The following USP13 variants were observed in gnomAD, a reference collection of about 807,000 sequenced individuals.
The protein encoded by USP13 is ubiquitin specific peptidase 13, also known as ubiquitin carboxyl-terminal hydrolase 13.
Under a neutral mutation model 107.8 loss-of-function variants are expected in USP13, and 68 were observed. The observed-to-expected ratio is 0.63, with a 90% confidence interval of 0.52 to 0.77. The LOEUF is 0.77. USP13 is among the 30% of genes least tolerant of loss of function. USP13 has a pLI of 0.00. For synonymous variants in USP13, 377 were observed against 389.5 expected, an observed-to-expected ratio of 0.97 and a Z score of 0.38; for missense variants, 945 against 1,093.3, an observed-to-expected ratio of 0.86 and a Z score of 1.91.
rs1053568468 is a variant in USP13, at chr3:179,653,184, G to A, written c.-42G>A. 6.3e-4 allele frequency: 767 copies of A among 1,212,228 alleles called. No individual in the cohort carries two copies. The highest frequency in any genetic ancestry group is 7.4e-4 in the Non-Finnish European group (720 of 970,768). The allele number at this position is 1,212,228 out of a possible 1,614,324, so 75.1% of individuals were successfully genotyped here. A position where few individuals can be genotyped will look rare whatever the true frequency, so the allele number is the denominator to read the frequency against. On this transcript the variant is annotated 5_prime_UTR_variant, in exon 1 of 21. Transcript: ENST00000263966. This position sits in a 1 kb window ranked among gnomAD's most constrained non-coding sequence, Gnocchi z 4.0. ...CCGCCGCCGGCAGACCCCGCGCTCCGGCTCCGGCTCGGCTCGCTCGGCTCC... is the reference window on the plus strand; with the variant it reads ...CCGCCGCCGGCAGACCCCGCGCTCCAGCTCCGGCTCGGCTCGCTCGGCTCC...
intron 13 of USP13, among the ~76,000 whole-genome samples, chr3:179,749,901 C>G (rs888774289): frequency 6.6e-6 from 1 of 152,146 alleles, no homozygotes; most frequent in Non-Finnish European, 1.5e-5. Context: ...GTTGATTTCA[C>G]TGTTATGTAT....
intron 19 of USP13, among the ~76,000 whole-genome samples, chr3:179,768,056 A>G (rs892069692): frequency 3.9e-5 from 6 of 152,234 alleles, no homozygotes; most frequent in African/African-American, 1.4e-4. Context: ...CTTGCCTAAA[A>G]TATTTAAAGC....
chr3:179,683,885 A>G (rs1023837884), intron 2 of USP13, among the ~76,000 whole-genome samples: 2 of 152,170 alleles, frequency 1.3e-5, no homozygotes, highest in African/African-American at 4.8e-5. Flanking sequence ...CTATTTTTTC[A>G]TATTGATAAC....
At chr3:179,710,008 G>A (rs1045578723) in intron 6 of USP13, among the ~76,000 whole-genome samples, 4 of 152,018 alleles carry the variant, frequency 2.6e-5, no homozygotes, top group African/African-American at 9.7e-5. Flanking sequence ...ACATAACTGA[G>A]GACTGGCAGT....
chr3:179,690,115 C>A, intron 2 of USP13, 126 bp from the exon 3 acceptor site: 1 of 843,424 alleles, frequency 1.2e-6, no homozygotes. Flanking sequence ...CCTGGAATTG[C>A]TAATCTAGAT....
chr3:179,743,160 C>A (rs1714260460), intron 12 of USP13, among the ~76,000 whole-genome samples: 2 of 152,054 alleles, frequency 1.3e-5, no homozygotes, highest in African/African-American at 4.8e-5. Context: ...GGAACAGAAA[C>A]CAAACACCGC....
At chr3:179,732,823 C>G (rs750439533) in intron 10 of USP13, among the ~76,000 whole-genome samples, 2 of 152,214 alleles carry the variant, frequency 1.3e-5, no homozygotes, top group African/African-American at 2.4e-5. Context: ...GCCCTTGTCT[C>G]TCTTCCCCCA....
At chr3:179,760,282 G>GT (rs1363561918) in intron 16 of USP13, among the ~76,000 whole-genome samples, 7,367 of 123,452 alleles carry the variant, frequency 0.06, 426 homozygotes, top group Middle Eastern at 0.2. Context: ...GTCTCTTAAT[G>GT]TTTTTTTTTT....
chr3:179,704,971 G>T (rs1014126533), intron 4 of USP13, among the ~76,000 whole-genome samples: 1 of 152,114 alleles, frequency 6.6e-6, no homozygotes, highest in Non-Finnish European at 1.5e-5. Context: ...GATCACTCTG[G>T]CTGCTATGCA....
chr3:179,717,757 G>A (rs951031396), intron 6 of USP13, among the ~76,000 whole-genome samples: 8 of 152,022 alleles, frequency 5.3e-5, no homozygotes, highest in Non-Finnish European at 7.4e-5. Context: ...TTAGTTCAAA[G>A]GTTTTTGCTT....
Position 179,719,934 on chromosome 3 carries a change from C to T in USP13, c.806-6C>T, listed in dbSNP as rs371619677. 3.8e-5 allele frequency: 62 copies of T among 1,611,468 alleles called. No homozygotes were observed. In the African/African-American group the frequency reaches 4.4e-4, roughly 11 times the overall value. On this transcript the variant is annotated splice_region_variant and splice_polypyrimidine_tract_variant and intron_variant, in intron 6 of 20. Transcript: ENST00000263966. ...TTGCAGTGCTTATTTTCTCTTCATC[C>T]GCTAGATGTTTATTCTTTTCAAGAA...
intron 7 of USP13, 99 bp downstream of exon 7, chr3:179,720,133 CG>C: frequency 2.6e-6 from 2 of 766,088 alleles, no homozygotes; most frequent in Non-Finnish European, 4.0e-6. Context: ...ATTCCTCTAA[CG>C]TGGATCTTCA....
chr3:179,664,551 A>T (rs575753882), intron 1 of USP13, among the ~76,000 whole-genome samples: 111 of 152,298 alleles, frequency 7.3e-4, no homozygotes, highest in African/African-American at 2.6e-3. Context: ...CCTCAGGGAG[A>T]TGACAAGAGG....
At chr3:179,675,618 G>A (rs1720871819) in intron 1 of USP13, among the ~76,000 whole-genome samples, 2 of 151,858 alleles carry the variant, frequency 1.3e-5, no homozygotes. Context: ...CATGATCTCA[G>A]CTCACTGCAA....
At chr3:179,681,559 G>C (rs1711653241) in intron 1 of USP13, among the ~76,000 whole-genome samples, 1 of 152,104 alleles carries the variant, frequency 6.6e-6, no homozygotes, top group African/African-American at 2.4e-5. Context: ...CTCAGGAGCT[G>C]GCGGTGCAGC....
At chr3:179,713,511 G>A (rs1361839352) in intron 6 of USP13, among the ~76,000 whole-genome samples, 1 of 151,852 alleles carries the variant, frequency 6.6e-6, no homozygotes, top group Non-Finnish European at 1.5e-5. Flanking sequence ...CCAGGGGTAG[G>A]GTGCCCTCTG....
chr3:179,701,575 A>T (rs1325648627), intron 4 of USP13, among the ~76,000 whole-genome samples: 1 of 152,230 alleles, frequency 6.6e-6, no homozygotes, highest in South Asian at 2.1e-4. Flanking sequence ...GGAAAAAAAT[A>T]GAAGTGCTCC....
chr3:179,757,697 G>A (rs748348950), intron 16 of USP13, among the ~76,000 whole-genome samples: 11 of 152,148 alleles, frequency 7.2e-5, no homozygotes, highest in Non-Finnish European at 1.0e-4. Context: ...TAAATCTTTT[G>A]GTCTGTAAAG....
intron 1 of USP13, among the ~76,000 whole-genome samples, chr3:179,669,965 C>A (rs1050711886): frequency 2.0e-5 from 3 of 152,172 alleles, no homozygotes; most frequent in Non-Finnish European, 4.4e-5. Flanking sequence ...TCTCCCCTGG[C>A]GTGCCAGGCT....
Sources: gnomAD v4.1 joint callset for allele counts (sites outside exome capture counted in the v4.1 genomes callset) on GRCh38, gnomAD v4.1.1 for gene constraint, Gnocchi (gnomAD v3.1) non-coding constraint, MANE v1.5 for transcripts, NCBI Gene and HGNC (gene_info 2026-07-23, HGNC 2026-07-21) for gene names.